The following C6orf118 variants were observed in gnomAD, a reference collection of about 807,000 sequenced individuals.
C6orf118 encodes chromosome 6 open reading frame 118.
A neutral mutation model predicts 50.2 loss-of-function variants in C6orf118; 50 were observed. That is an observed-to-expected ratio of 1.00 (90% CI 0.79 to 1.26). The LOEUF (loss-of-function observed/expected upper bound fraction) is 1.26. Ranked by LOEUF, C6orf118 falls within the 50% of genes most tolerant of loss-of-function variation. C6orf118 has a pLI of 0.00. For missense variants in C6orf118, 641 were observed against 578.7 expected, an observed-to-expected ratio of 1.11 and a Z score of -1.10; for synonymous variants, 239 against 230.9, an observed-to-expected ratio of 1.03 and a Z score of -0.32.
At position 165,298,135 on chromosome 6, in the gene C6orf118, C is replaced by G. The variant is rs200179629; in HGVS notation, c.937-34G>C. ...GACCAGGTACATGAGGTGAGACAAG[C>G]ACACAGGGAGGGCGGGAGGACTCCC... is the stretch of plus-strand genomic sequence containing the variant. On this transcript the variant is annotated intron_variant, in intron 4 of 8. Coordinates refer to ENST00000230301, the MANE Select transcript of C6orf118 (RefSeq NM_144980.4). 19 of 1,536,070 alleles carry G rather than the reference C, an allele frequency of 1.2e-5. No homozygotes were observed. In the African/African-American group the frequency reaches 2.6e-4, roughly 21 times the overall value.
At chr6:165,296,995 G>A (rs1229591998) in intron 5 of C6orf118, among the ~76,000 whole-genome samples, 1 of 152,096 alleles carries the variant, frequency 6.6e-6, no homozygotes, top group African/African-American at 2.4e-5. Flanking sequence ...TCAGACACTT[G>A]GACATTAAGC....
chr6:165,294,337 T>C (rs1780220217), intron 5 of C6orf118, among the ~76,000 whole-genome samples: 1 of 151,994 alleles, frequency 6.6e-6, no homozygotes, highest in Non-Finnish European at 1.5e-5. Context: ...AAAACCTCCT[T>C]GTTTCCTCTG....
intron 2 of C6orf118, 97 bp downstream of exon 2, chr6:165,301,472 G>A (rs1332434877): frequency 5.4e-6 from 8 of 1,474,898 alleles, no homozygotes; most frequent in African/African-American, 2.8e-5. Flanking sequence ...GCTCTGCCCC[G>A]AGAGGTTTGC....
chr6:165,295,657 TTTTC>T (rs34352421), intron 5 of C6orf118, among the ~76,000 whole-genome samples: 51,055 of 151,152 alleles, frequency 0.34, 9,031 homozygotes, highest in African/African-American at 0.43. Context: ...TTGTTTTTTT[TTTTC>T]GGTGTTGTTT....
intron 6 of C6orf118, among the ~76,000 whole-genome samples, chr6:165,291,163 C>T (rs950906954): frequency 2.6e-5 from 4 of 151,786 alleles, no homozygotes; most frequent in Admixed American, 6.6e-5. Flanking sequence ...GGTGGGGACA[C>T]GGAGCCAAAC....
Position 165,302,011 on chromosome 6 carries a change from C to T in C6orf118, c.311G>A (p.Arg104Lys), listed in dbSNP as rs766900141. 3 of 1,613,560 alleles carry T rather than the reference C, an allele frequency of 1.9e-6. No individual in the cohort carries two copies. In the South Asian group the frequency reaches 3.3e-5, roughly 18 times the overall value. ...GAAGTGGGCCAGGGCCTCCTTCATC[C>T]TCGCCACCTTCCCTGCGGGCGGCTC... ...VGEPPAGKVA[R>K]MKEALAHFTI... Residue 104 changes from arginine to lysine, a missense_variant, in exon 2 of 9, where the codon AGG (arginine) becomes AAG (lysine). Transcript: ENST00000230301.
At chr6:165,280,879 C>T (rs80052700) in intron 8 of C6orf118, among the ~76,000 whole-genome samples, 11,950 of 152,132 alleles carry the variant, frequency 0.079, 626 homozygotes, top group Non-Finnish European at 0.12. Flanking sequence ...TGAGCCCAAG[C>T]CACCTACACC....
At chr6:165,283,499 G>T (rs993674165) in intron 7 of C6orf118, among the ~76,000 whole-genome samples, 1 of 152,184 alleles carries the variant, frequency 6.6e-6, no homozygotes, top group Admixed American at 6.5e-5. Flanking sequence ...AGAGTGCTTC[G>T]TTAAGCACTC....
chr6:165,282,155 A>C (rs1228276000), intron 7 of C6orf118: 1 of 152,278 alleles, frequency 6.6e-6, no homozygotes, highest in African/African-American at 2.4e-5. Context: ...ATCTTTCACC[A>C]AGTTATAAAA....
intron 6 of C6orf118, among the ~76,000 whole-genome samples, chr6:165,292,106 C>T (rs767541874): frequency 2.6e-5 from 4 of 152,118 alleles, no homozygotes; most frequent in Admixed American, 1.3e-4. Context: ...ATTTGTTCTC[C>T]GCCTTAACCT....
At position 165,300,354 on chromosome 6, in the gene C6orf118, T is replaced by C; in HGVS notation, c.876+10A>G. The C allele has an allele frequency of 6.2e-7, 1 of 1,613,928 alleles. No homozygotes were observed. Among genetic ancestry groups the C allele is most frequent in the Non-Finnish European group, 8.5e-7 (1 of 1,179,898 alleles). Reference sequence around the variant, plus strand: ...TCTCAACTGTTATGCTGAAGATGTATGTTTCTTACCTTAACTTTTTTCAAG... The same window carrying C: ...TCTCAACTGTTATGCTGAAGATGTACGTTTCTTACCTTAACTTTTTTCAAG... On this transcript the variant is annotated intron_variant, in intron 3 of 8. Transcript: ENST00000230301.
chr6:165,285,847 A>G (rs1331245085), intron 7 of C6orf118, among the ~76,000 whole-genome samples: 1 of 152,052 alleles, frequency 6.6e-6, no homozygotes, highest in Non-Finnish European at 1.5e-5. Context: ...TCAATATATA[A>G]CATCACAACT....
In C6orf118 at chr6:165,296,250, GTTTTTTTTTTTTTT is replaced by G. The variant is rs56394079; in HGVS notation, c.1061+1713_1061+1726del. ...GTTGTTGTTGTTGTTTTCGTTTTTT[GTTTTTTTTTTTTTT>G]TTTTTTTTTTTTTGCCTTGGCATTC... On this transcript the variant is annotated intron_variant, in intron 5 of 8. Coordinates refer to ENST00000230301, the MANE Select transcript of C6orf118 (RefSeq NM_144980.4). Among the ~76,000 whole-genome samples the G allele has an allele frequency of 1.5e-4, 15 of 103,390 alleles. No individual in the cohort carries two copies. In the South Asian group the frequency reaches 3.5e-3, roughly 24 times the overall value. The allele number at this position is 103,390 out of a possible 152,430, so 67.8% of individuals were successfully genotyped here. A position where few individuals can be genotyped will look rare whatever the true frequency, so the allele number is the denominator to read the frequency against.
intron 7 of C6orf118, among the ~76,000 whole-genome samples, chr6:165,289,538 C>T (rs73788316): frequency 5.0e-4 from 76 of 152,110 alleles, no homozygotes; most frequent in African/African-American, 1.7e-3. Flanking sequence ...AAATAGTGTA[C>T]GGTGTACCCA....
intron 7 of C6orf118, chr6:165,281,915 G>C: frequency 6.8e-6 from 2 of 295,960 alleles, no homozygotes; most frequent in East Asian, 5.9e-5. Context: ...GGAGGAAATT[G>C]ATGTTTCAAA....
rs781383629 is a variant in C6orf118 at position 165,300,407 on chromosome 6, C to G, written c.833G>C (p.Cys278Ser). ...ATCACCAAATATCAAAGAACTGTTACAAATATCTTCAAAGACTTTTCCAAA... is the reference window on the plus strand; with the variant it reads ...ATCACCAAATATCAAAGAACTGTTAGAAATATCTTCAAAGACTTTTCCAAA... ...HVFGKVFEDI[C>S]NSSLIFGDLL... Residue 278 changes from cysteine to serine, a missense_variant, in exon 3 of 9, where the codon TGT becomes TCT. By Grantham distance (112) the Cys-to-Ser change is moderately radical. Coordinates refer to ENST00000230301, the MANE Select transcript of C6orf118 (RefSeq NM_144980.4). 2 of 1,613,890 alleles carry G rather than the reference C, an allele frequency of 1.2e-6. No homozygotes were observed. Among genetic ancestry groups the G allele is most frequent in the Non-Finnish European group, 1.7e-6 (2 of 1,179,804 alleles).
chr6:165,309,494 C>G, intron 1 of C6orf118, 68 bp downstream of exon 1: 1 of 1,557,182 alleles, frequency 6.4e-7, no homozygotes, highest in Non-Finnish European at 8.9e-7. Context: ...TCTTCAGAAG[C>G]CCATCCCTCC....
chr6:165,300,567 A>T (rs1780489686), intron 2 of C6orf118, 81 bp from the exon 3 acceptor site: 11 of 1,396,762 alleles, frequency 7.9e-6, no homozygotes, highest in Admixed American at 7.8e-5. Flanking sequence ...GTCAGTGAGG[A>T]CACAGCTGCC....
intron 6 of C6orf118, among the ~76,000 whole-genome samples, chr6:165,291,115 A>G (rs1317527013): frequency 6.6e-6 from 1 of 152,156 alleles, no homozygotes; most frequent in Non-Finnish European, 1.5e-5. Context: ...CCCACAACAC[A>G]TAGGAATTAT....
Sources: gnomAD v4.1 joint callset for allele counts (sites outside exome capture counted in the v4.1 genomes callset) on GRCh38, gnomAD v4.1.1 for gene constraint, MANE v1.5 for transcripts, NCBI Gene and HGNC (gene_info 2026-07-23, HGNC 2026-07-21) for gene names.